Variants in PCDHA3 observed in about 807,000 individuals in gnomAD.
PCDHA3 encodes the protein protocadherin alpha 3.
A neutral mutation model predicts 62.2 loss-of-function variants in PCDHA3; 41 were observed. The ratio of observed to expected loss-of-function variants is 0.66; its 90% CI spans 0.51 to 0.86. The LOEUF (loss-of-function observed/expected upper bound fraction) is 0.86. Among genes scored for constraint, PCDHA3 ranks in the 40% least tolerant of loss-of-function variants. The probability of loss-of-function intolerance (pLI) is 0.00; values close to 1 mark genes in which losing one functional copy is unlikely to be tolerated. For missense variants in PCDHA3, 1,304 were observed against 1,241.2 expected, an observed-to-expected ratio of 1.05 and a Z score of -0.76; for synonymous variants, 640 against 555.4, an observed-to-expected ratio of 1.15 and a Z score of -2.14.
chr5:140,815,532 T>TTA (rs1562243795), intron 1 of PCDHA3: 1 of 151,194 alleles, frequency 6.6e-6, no homozygotes, highest in Non-Finnish European at 1.5e-5. Context: ...ATATTGTGTA[T>TTA]ACATTATTTT....
intron 1 of PCDHA3, chr5:140,853,001 C>A (rs1254366907): frequency 3.9e-5 from 12 of 305,202 alleles, no homozygotes; most frequent in Non-Finnish European, 6.0e-5. Context: ...GCCTCAGCCT[C>A]CCGAGTAGCT....
At chr5:140,882,415 T>G (rs782393404) in intron 1 of PCDHA3, 23 of 1,614,072 alleles carry the variant, frequency 1.4e-5, no homozygotes, top group African/African-American at 2.7e-5. Flanking sequence ...GCCGCATCGC[T>G]CAGGACCTGG....
chr5:140,825,450 CAG>C (rs1768582322), intron 1 of PCDHA3: 1 of 145,934 alleles, frequency 6.9e-6, no homozygotes, highest in Admixed American at 6.9e-5. Flanking sequence ...TAATATATAT[CAG>C]ATATTTTGAT....
rs146090059 is a variant in PCDHA3 at position 140,857,944 on chromosome 5, G to A, written c.2394+54353G>A. 6.4e-5 allele frequency: 102 copies of A among 1,597,474 alleles called. 12 individuals are homozygous for A. The highest frequency in any genetic ancestry group is 5.1e-4 in the Admixed American group (30 of 59,248). ...GGCTGTACACGGGCGAGATCAGTAC[G>A]ACGCGCGCTCTGGATGAGACTGACT... On this transcript the variant is annotated intron_variant, in intron 1 of 3. Coordinates refer to ENST00000522353, the MANE Select transcript of PCDHA3 (RefSeq NM_018906.3).
rs1197657289 is a variant in PCDHA3 at position 140,900,491 on chromosome 5, G to A, written c.2395-78458G>A. Among the ~76,000 whole-genome samples the A allele has an allele frequency of 2.6e-5, 4 of 152,160 alleles. No homozygotes were observed. The East Asian group carries it at 7.7e-4, about 29-fold the overall frequency. On this transcript the variant is annotated intron_variant, in intron 1 of 3. Transcript: ENST00000522353. ...GGAGTTTCTCCATGTTGGTCAGACT[G>A]GTCTCAAATTCCCAGCCTCAGGTGA...
intron 1 of PCDHA3, among the ~76,000 whole-genome samples, chr5:140,914,475 T>A (rs1473439533): frequency 6.6e-6 from 1 of 152,204 alleles, no homozygotes; most frequent in Non-Finnish European, 1.5e-5. Context: ...TCTTCATAGG[T>A]GAAGTGTTTC....
chr5:140,965,206 T>A (rs2095879920), intron 1 of PCDHA3, among the ~76,000 whole-genome samples: 1 of 152,238 alleles, frequency 6.6e-6, no homozygotes. Flanking sequence ...AGATTTCAAA[T>A]TCCTGTGGAA....
At chr5:140,927,602 T>G (rs2084408838) in intron 1 of PCDHA3, 1 of 1,614,104 alleles carries the variant, frequency 6.2e-7, no homozygotes, top group African/African-American at 1.3e-5. Context: ...GAGCGCTCCG[T>G]ATACCGCACC....
chr5:140,906,646 G>GT (rs35557065), intron 1 of PCDHA3, among the ~76,000 whole-genome samples: 1 of 152,192 alleles, frequency 6.6e-6, no homozygotes, highest in Non-Finnish European at 1.5e-5. Context: ...GCAGGTAGTG[G>GT]TTTTTTCCTG....
At position 140,849,549 on chromosome 5, in the gene PCDHA3, A is replaced by G. The variant is rs2150440230; in HGVS notation, c.2394+45958A>G. ...AAATGACAATGCTCCACAGTTGACT[A>G]TCAAAACGCTCTCGGTTCCTGTAAA... On this transcript the variant is annotated intron_variant, in intron 1 of 3. Transcript: ENST00000522353. 5 of 1,598,378 alleles carry G rather than the reference A, an allele frequency of 3.1e-6. 1 individual carries two copies. The South Asian group carries it at 3.3e-5, about 11-fold the overall frequency.
At chr5:140,807,592 A>T in intron 1 of PCDHA3, 2 of 1,613,950 alleles carry the variant, frequency 1.2e-6, no homozygotes, top group Non-Finnish European at 1.7e-6. Flanking sequence ...TGTTCCCAGC[A>T]ACACAAAAGA....
intron 1 of PCDHA3, among the ~76,000 whole-genome samples, chr5:140,917,662 C>T (rs1554198266): frequency 6.6e-6 from 1 of 152,118 alleles, no homozygotes; most frequent in Admixed American, 6.6e-5. Flanking sequence ...AGTAGGAAGT[C>T]CTTTCTCCAT....
At chr5:140,976,403 TA>T (rs1469780321) in intron 1 of PCDHA3, among the ~76,000 whole-genome samples, 1 of 151,936 alleles carries the variant, frequency 6.6e-6, no homozygotes, top group Non-Finnish European at 1.5e-5. Flanking sequence ...ATTCAAAAAT[TA>T]GCCAGGTACG....
chr5:140,955,359 C>A (rs1390938554), intron 1 of PCDHA3, among the ~76,000 whole-genome samples: 1 of 151,992 alleles, frequency 6.6e-6, no homozygotes, highest in African/African-American at 2.4e-5. Context: ...TGAGAGGGAC[C>A]CAGTGGGAGG....
intron 1 of PCDHA3, among the ~76,000 whole-genome samples, chr5:140,918,002 A>G (rs2153546564): frequency 1.3e-5 from 2 of 152,244 alleles, no homozygotes; most frequent in South Asian, 4.2e-4. Context: ...TATCTTAACA[A>G]TGTTGTTTCT....
intron 1 of PCDHA3, among the ~76,000 whole-genome samples, chr5:140,886,842 AAAAAAG>A (rs1562824849): frequency 6.6e-6 from 1 of 151,524 alleles, no homozygotes. Flanking sequence ...AAAAAAAAAA[AAAAAAG>A]AAAGGTCTTC....
chr5:140,830,753 T>G (rs1771228172), intron 1 of PCDHA3: 1 of 184,998 alleles, frequency 5.4e-6, no homozygotes, highest in Non-Finnish European at 1.1e-5. Context: ...TCTGTTGCAT[T>G]TTAATTCAGA....
At chr5:140,954,653 T>C (rs1467846481) in intron 1 of PCDHA3, among the ~76,000 whole-genome samples, 3 of 152,244 alleles carry the variant, frequency 2.0e-5, no homozygotes, top group Admixed American at 6.5e-5. Flanking sequence ...TTAAGTTCCT[T>C]GTAGACTCTG....
Position 140,849,791 on chromosome 5 carries a change from G to A in PCDHA3, c.2394+46200G>A. ...TGGTTACCGCGCGGGACGGGGGCTC[G>A]CCTTCACTGTGGGCCACGGCCAGGG... On this transcript the variant is annotated intron_variant, in intron 1 of 3. Coordinates refer to ENST00000522353, the MANE Select transcript of PCDHA3 (RefSeq NM_018906.3). The A allele has an allele frequency of 1.9e-6, 3 of 1,598,446 alleles. 1 individual carries two copies. Among genetic ancestry groups the A allele is most frequent in the African/African-American group, 1.3e-5 (1 of 74,534 alleles).
Sources: gnomAD v4.1 joint callset for allele counts (sites outside exome capture counted in the v4.1 genomes callset) on GRCh38, gnomAD v4.1.1 for gene constraint, MANE v1.5 for transcripts, NCBI Gene and HGNC (gene_info 2026-07-23, HGNC 2026-07-21) for gene names.